Variants in TTC3 observed in about 807,000 individuals in gnomAD.
The protein encoded by TTC3 is tetratricopeptide repeat domain 3.
Under a neutral mutation model 249.6 loss-of-function variants are expected in TTC3, and 180 were observed. The observed-to-expected ratio is 0.72, with a 90% CI of 0.64 to 0.82. TTC3 has a LOEUF of 0.82. Among genes scored for constraint, TTC3 ranks in the 40% least tolerant of loss-of-function variants. The pLI is 0.00. For missense variants in TTC3, 2,061 were observed against 2,398.4 expected, an observed-to-expected ratio of 0.86 and a Z score of 2.94; for synonymous variants, 717 against 805.0, an observed-to-expected ratio of 0.89 and a Z score of 1.85.
At chr21:37,156,095 G>A (rs2148032877) in intron 27 of TTC3, among the ~76,000 whole-genome samples, 1 of 151,790 alleles carries the variant, frequency 6.6e-6, no homozygotes, top group Non-Finnish European at 1.5e-5. Context: ...GGAGTGCAGT[G>A]GCGCCGTCAT....
At chr21:37,075,316 A>G (rs545783614) in intron 1 of TTC3, among the ~76,000 whole-genome samples, 1 of 152,330 alleles carries the variant, frequency 6.6e-6, no homozygotes, top group East Asian at 1.9e-4. Flanking sequence ...CCCTGTTGAT[A>G]GACTTTGAAC....
chr21:37,073,576 C>A, intron 1 of TTC3, 103 bp downstream of exon 1: 1 of 896,014 alleles, frequency 1.1e-6, no homozygotes, highest in Non-Finnish European at 1.3e-6. Flanking sequence ...GCCGCCATTG[C>A]CTACCCCAGT....
intron 21 of TTC3, among the ~76,000 whole-genome samples, chr21:37,147,200 A>G (rs141863483): frequency 1.3e-5 from 2 of 152,348 alleles, no homozygotes; most frequent in East Asian, 3.9e-4. Context: ...TGTAAATTAT[A>G]AAATGCGATT....
chr21:37,164,163 A>C (rs1195512466), exon 32 of TTC3: 6 of 1,613,270 alleles, frequency 3.7e-6, no homozygotes, highest in Non-Finnish European at 5.1e-6. Flanking sequence ...TGTTGTCCGC[A>C]ATAAGAAGCT....
At chr21:37,118,557 G>C (rs1323769699) in intron 11 of TTC3, among the ~76,000 whole-genome samples, 1 of 152,146 alleles carries the variant, frequency 6.6e-6, no homozygotes, top group Admixed American at 6.5e-5. Flanking sequence ...GGGCGCATTA[G>C]GACTTTTGTT....
rs74808919 is a variant in TTC3 at position 37,160,998 on chromosome 21, G to A, written c.3096+140G>A. The stretch of plus-strand genomic sequence containing the variant: ...CTTTCTAGGACTTAAAGATGTTTTG[G>A]CAGTCTTCTACATTTTGAAGAAATT... On this transcript the variant is annotated intron_variant, in intron 30 of 45. Transcript: ENST00000355666. 1,645 of 775,418 alleles carry A rather than the reference G, an allele frequency of 2.1e-3. 21 individuals carry two copies. In the African/African-American group the frequency reaches 0.027, roughly 13 times the overall value. 48.0% of individuals were successfully genotyped at this position (775,418 alleles called of 1,614,324 possible).
rs79555966 is a variant in TTC3 at position 37,178,370 on chromosome 21, A to C, written c.4618-4404A>C. ...ATTGCTGATCATATGGCAATTCCAC[A>C]TTTAAGCGTATGAGGAACTGCGAGC... On this transcript the variant is annotated intron_variant, in intron 35 of 45. Transcript: ENST00000355666. Among the ~76,000 whole-genome samples, 1,029 of 152,310 alleles carry C rather than the reference A, an allele frequency of 6.8e-3. 35 individuals are homozygous for C. The East Asian group carries it at 0.12, about 18-fold the overall frequency.
chr21:37,186,680 G>A (rs2148174938), intron 37 of TTC3, among the ~76,000 whole-genome samples: 1 of 152,296 alleles, frequency 6.6e-6, no homozygotes, highest in Middle Eastern at 3.4e-3. Flanking sequence ...GCCTGCCTTG[G>A]CCTCCCAAAG....
At chr21:37,078,267 G>A (rs373385634) in intron 1 of TTC3, among the ~76,000 whole-genome samples, 1 of 151,920 alleles carries the variant, frequency 6.6e-6, no homozygotes, top group African/African-American at 2.4e-5. Flanking sequence ...CTGAAATCTC[G>A]GTATCTGGGG....
intron 13 of TTC3, among the ~76,000 whole-genome samples, chr21:37,124,372 C>T (rs926314462): frequency 4.1e-4 from 63 of 152,074 alleles, no homozygotes; most frequent in African/African-American, 1.2e-3. Context: ...CTGCCCTGGG[C>T]TCCCAAAGTG....
intron 18 of TTC3, 56 bp from the exon 19 acceptor site, chr21:37,138,578 A>G: frequency 8.4e-7 from 1 of 1,193,638 alleles, no homozygotes; most frequent in Non-Finnish European, 1.2e-6. Flanking sequence ...TTGTGACTGG[A>G]TGCAAATTGG....
chr21:37,096,598 T>A, exon 10 of TTC3: 1 of 1,612,588 alleles, frequency 6.2e-7, no homozygotes, highest in Non-Finnish European at 8.5e-7. Context: ...AACTACCTTC[T>A]TTATGGTAAC....
chr21:37,093,857 G>GTGCTAT, intron 7 of TTC3, 148 bp from the exon 8 acceptor site: 1 of 493,260 alleles, frequency 2.0e-6, no homozygotes, highest in Non-Finnish European at 3.6e-6. Flanking sequence ...GACATAAAAG[G>GTGCTAT]TTACAAGAAA....
chr21:37,123,108 G>A (rs1429222320), intron 13 of TTC3, 80 bp downstream of exon 13: 6 of 1,436,656 alleles, frequency 4.2e-6, no homozygotes, highest in South Asian at 3.5e-5. Context: ...TATGTTTGAC[G>A]CTTTAGGAGC....
Position 37,193,798 on chromosome 21 carries a change from C to T in TTC3, c.5217+1585C>T, listed in dbSNP as rs575304862. 5 of 152,336 alleles carry T rather than the reference C, an allele frequency of 3.3e-5. No homozygotes were observed. In the East Asian group the frequency reaches 9.6e-4, roughly 29 times the overall value. The allele number at this position is 152,336 out of a possible 1,614,324, so 9.4% of individuals were successfully genotyped here. On this transcript the variant is annotated intron_variant, in intron 41 of 45. Coordinates refer to ENST00000355666, the Ensembl canonical transcript of TTC3. Reference sequence around the variant, plus strand: ...ACTTGGGGAAAGGCAGACTTTAAACCCATTGTTACCTGCAGCAGAGTGAGG... The same window carrying T: ...ACTTGGGGAAAGGCAGACTTTAAACTCATTGTTACCTGCAGCAGAGTGAGG...
intron 6 of TTC3, 54 bp downstream of exon 6, chr21:37,090,340 CT>C: frequency 6.9e-7 from 1 of 1,449,626 alleles, no homozygotes; most frequent in Non-Finnish European, 9.6e-7. Context: ...TGGCAGTCAT[CT>C]CACTGCTCAT....
chr21:37,191,322 A>G lies in TTC3; in HGVS notation c.5025-12A>G. 1 of 1,567,192 alleles carries G rather than the reference A, an allele frequency of 6.4e-7. No individual in the cohort carries two copies. Among genetic ancestry groups the G allele is most frequent in the Non-Finnish European group, 8.6e-7 (1 of 1,161,290 alleles). ...AAAATTTCTAAAGCAGTTTTATATT[A>G]TACTTTTTCAGTGATCCTGCAGCAT... On this transcript the variant is annotated splice_polypyrimidine_tract_variant and intron_variant, in intron 39 of 45. Coordinates refer to ENST00000355666, the Ensembl canonical transcript of TTC3.
rs144515927 is a variant in TTC3, at chr21:37,169,875, G to A, written c.4467+2255G>A. Among the ~76,000 whole-genome samples the A allele has an allele frequency of 5.8e-3, 881 of 150,910 alleles. 3 individuals carry two copies. The highest frequency in any genetic ancestry group is 8.5e-3 in the Non-Finnish European group (574 of 67,684). ...AAAAAAAAAAACAAAAAACAAAACC[G>A]AAGATGGCAAATTATCAGTGAGCAA... On this transcript the variant is annotated intron_variant, in intron 34 of 45. Transcript: ENST00000355666.
chr21:37,195,989 C>A (rs2148234251), exon 42 of TTC3: 1 of 1,614,156 alleles, frequency 6.2e-7, no homozygotes, highest in South Asian at 1.1e-5. Flanking sequence ...AAAAGCCGTT[C>A]AATAGTATTA....
Sources: gnomAD v4.1 joint callset for allele counts (sites outside exome capture counted in the v4.1 genomes callset) on GRCh38, gnomAD v4.1.1 for gene constraint, MANE v1.5 for transcripts, NCBI Gene and HGNC (gene_info 2026-07-23, HGNC 2026-07-21) for gene names.